The following CACNA1B variants were observed in gnomAD, a reference collection of about 807,000 sequenced individuals.
CACNA1B encodes voltage-dependent N-type calcium channel subunit alpha-1B.
Under a neutral mutation model 247.2 loss-of-function variants are expected in CACNA1B, and 70 were observed. The observed-to-expected ratio is 0.28, with a 90% CI of 0.23 to 0.35. The LOEUF is 0.35. Ranked by LOEUF, CACNA1B falls within the 10% of genes least tolerant of loss-of-function variation. The pLI is 1.00. For missense variants in CACNA1B, 2,367 were observed against 3,197.4 expected (o/e 0.74, Z 6.26); for synonymous variants, 1,231 against 1,294.4 (o/e 0.95, Z 1.05).
chr9:137,891,974 C>T lies in CACNA1B; in HGVS notation c.530+9091C>T, dbSNP rs1461176790. 2.2e-6 allele frequency: 1 copy of T among 447,878 alleles called. No individual in the cohort carries two copies. The highest frequency in any genetic ancestry group is 4.5e-6 in the Non-Finnish European group (1 of 221,946). The allele number at this position is 447,878 out of a possible 1,614,324, so 27.7% of individuals were successfully genotyped here. The stretch of plus-strand genomic sequence containing the variant: ...CCACCCTCCCTGTCTCCCCTGAGAG[C>T]ACAGGAGCCTGGTGAAAAGGGCCTT... On this transcript the variant is annotated intron_variant, in intron 3 of 46. Transcript: ENST00000371372. This position sits in a 1 kb window ranked among gnomAD's most constrained non-coding sequence, Gnocchi z 4.3.
chr9:138,036,105 C>G (rs967377069), intron 20 of CACNA1B, among the ~76,000 whole-genome samples: 1 of 151,882 alleles, frequency 6.6e-6, no homozygotes, highest in Non-Finnish European at 1.5e-5. Context: ...GTTTCTTTCC[C>G]CCCCGCCCCT....
rs1398188438 is a variant in CACNA1B, at chr9:137,913,529, T to C, written c.622+258T>C. ...GATGGAAGCTTTGTTCCTCCTCACA[T>C]ACTCTGTCACATTTCAGCATTTTGC... On this transcript the variant is annotated intron_variant, in intron 4 of 46. Coordinates refer to ENST00000371372, the MANE Select transcript of CACNA1B (RefSeq NM_000718.4). The surrounding 1 kb of genome is among the most constrained non-coding windows in gnomAD (Gnocchi z 5.2). Among the ~76,000 whole-genome samples the C allele has an allele frequency of 6.6e-6, 1 of 152,212 alleles. No individual in the cohort carries two copies. The highest frequency in any genetic ancestry group is 6.5e-5 in the Admixed American group (1 of 15,284).
intron 32 of CACNA1B, among the ~76,000 whole-genome samples, chr9:138,071,102 A>C (rs941599733): frequency 3.3e-5 from 5 of 152,204 alleles, no homozygotes; most frequent in African/African-American, 1.2e-4. Flanking sequence ...TGCAGTGCTA[A>C]GAGCAATTTT....
chr9:138,027,097 C>T (rs772247343), intron 20 of CACNA1B, among the ~76,000 whole-genome samples: 39 of 152,282 alleles, frequency 2.6e-4, no homozygotes, highest in Non-Finnish European at 5.3e-4. Flanking sequence ...ATCTTTTACC[C>T]ACTTTTTATT....
chr9:137,926,598 G>A (rs77776984), intron 6 of CACNA1B, among the ~76,000 whole-genome samples: 1 of 152,310 alleles, frequency 6.6e-6, no homozygotes, highest in African/African-American at 2.4e-5. Flanking sequence ...AAGTTCATGA[G>A]GAACTGCTGT....
At position 138,051,509 on chromosome 9, in the gene CACNA1B, A is replaced by C. The variant is rs1589096988; in HGVS notation, c.3711-583A>C. Among the ~76,000 whole-genome samples, 1 of 105,752 alleles carries C rather than the reference A, an allele frequency of 9.5e-6. No homozygotes were observed. Among genetic ancestry groups the C allele is most frequent in the Non-Finnish European group, 1.8e-5 (1 of 56,312 alleles). The allele number at this position is 105,752 out of a possible 152,430, so 69.4% of individuals were successfully genotyped here. Reference sequence around the variant, plus strand: ...CCTCTCCCCTTGTTTGTCTTAGTCCACCATGCCTCTTGCATTGCCTCTGTA... The same window carrying C: ...CCTCTCCCCTTGTTTGTCTTAGTCCCCCATGCCTCTTGCATTGCCTCTGTA... On this transcript the variant is annotated intron_variant, in intron 24 of 46. Coordinates refer to ENST00000371372, the MANE Select transcript of CACNA1B (RefSeq NM_000718.4). This position sits in a 1 kb window ranked among gnomAD's most constrained non-coding sequence, Gnocchi z 4.3.
intron 12 of CACNA1B, among the ~76,000 whole-genome samples, chr9:137,980,689 A>G (rs984377801): frequency 6.6e-6 from 1 of 151,864 alleles, no homozygotes; most frequent in East Asian, 1.9e-4. Flanking sequence ...AGTACTCCCC[A>G]CTGTCTATTG....
intron 6 of CACNA1B, among the ~76,000 whole-genome samples, chr9:137,927,964 A>G (rs1052344066): frequency 1.3e-5 from 2 of 152,230 alleles, no homozygotes; most frequent in African/African-American, 4.8e-5. Flanking sequence ...CCAGCCTTGC[A>G]TTCCCAGAAT....
intron 36 of CACNA1B, among the ~76,000 whole-genome samples, chr9:138,079,130 A>T (rs997670748): frequency 2.0e-5 from 3 of 152,184 alleles, no homozygotes; most frequent in Non-Finnish European, 4.4e-5. Flanking sequence ...TGCCTGTTAG[A>T]CATACAGATT....
intron 3 of CACNA1B, among the ~76,000 whole-genome samples, chr9:137,894,236 C>T (rs1351018317): frequency 2.6e-5 from 4 of 151,488 alleles, no homozygotes; most frequent in Non-Finnish European, 5.9e-5. Context: ...TGTCCCGTTT[C>T]ACATTTCCAG....
chr9:137,911,410 T>C (rs1957358208), intron 3 of CACNA1B, among the ~76,000 whole-genome samples: 2 of 152,156 alleles, frequency 1.3e-5, no homozygotes, highest in South Asian at 4.1e-4. Context: ...TTGAGATATT[T>C]ATCTTTTCTT....
rs199859808 is a variant in CACNA1B, at chr9:138,121,470, G to T, written c.6491G>T (p.Gly2164Val). 3 of 1,510,866 alleles carry T rather than the reference G, an allele frequency of 2.0e-6. No individual in the cohort carries two copies. Among genetic ancestry groups the T allele is most frequent in the Non-Finnish European group, 1.8e-6 (2 of 1,129,756 alleles). The allele number at this position is 1,510,866 out of a possible 1,614,324, so 93.6% of individuals were successfully genotyped here. ...AGQEPGPHPQ[G>V]SGSVNGSPLL... ...TTGTTCTGGTCCATTTTCATGTAGGGCAGTGGTTCCGTGAATGGGAGCCCC... is the reference window on the plus strand; with the variant it reads ...TTGTTCTGGTCCATTTTCATGTAGGTCAGTGGTTCCGTGAATGGGAGCCCC... Residue 2164 changes from glycine (G) to valine (V), a missense_variant and splice_region_variant, in exon 47 of 47, where the codon GGC (glycine) becomes GTC (valine). Physicochemically the swap from Gly to Val is moderately radical, Grantham distance 109. This residue lies in a region of CACNA1B where 773 missense variants were observed against 779.4 expected (regional missense o/e 0.99). Coordinates refer to ENST00000371372, the MANE Select transcript of CACNA1B (RefSeq NM_000718.4). The surrounding 1 kb of genome is among the most constrained non-coding windows in gnomAD (Gnocchi z 6.8).
chr9:137,916,183 G>A (rs1176515038), intron 5 of CACNA1B, among the ~76,000 whole-genome samples: 2 of 151,800 alleles, frequency 1.3e-5, no homozygotes, highest in South Asian at 4.2e-4. Context: ...CATGCCCATG[G>A]TGCCACGCCC....
chr9:138,111,234 A>G (rs1475857479), intron 39 of CACNA1B, among the ~76,000 whole-genome samples: 3 of 152,264 alleles, frequency 2.0e-5, no homozygotes, highest in Non-Finnish European at 4.4e-5. Flanking sequence ...AAATTGCCCC[A>G]AACTGTAAAC....
At chr9:138,048,747 C>T (rs1959205474) in intron 23 of CACNA1B, among the ~76,000 whole-genome samples, 1 of 152,178 alleles carries the variant, frequency 6.6e-6, no homozygotes, top group African/African-American at 2.4e-5. Context: ...GACAGGGTCT[C>T]ACTCTTGTCA....
At chr9:137,923,953 C>T (rs1957520815) in intron 6 of CACNA1B, among the ~76,000 whole-genome samples, 1 of 152,206 alleles carries the variant, frequency 6.6e-6, no homozygotes, top group Non-Finnish European at 1.5e-5. Context: ...AACGTCTCTT[C>T]ACATCTTTTG....
chr9:138,101,099 T>C (rs1961236927), intron 37 of CACNA1B: 4 of 531,684 alleles, frequency 7.5e-6, no homozygotes, highest in Non-Finnish European at 1.5e-5. Flanking sequence ...ACATTTCCTT[T>C]CCAGTTGCCG....
At position 137,965,637 on chromosome 9, in the gene CACNA1B, C is replaced by T. The variant is rs189973419; in HGVS notation, c.1334-5746C>T. Among the ~76,000 whole-genome samples, 165 of 152,148 alleles carry T rather than the reference C, an allele frequency of 1.1e-3. 3 individuals are homozygous for T. The highest frequency in any genetic ancestry group is 3.3e-3 in the African/African-American group (135 of 41,516). ...TATTTAAGACAGAGTCTAACCCTGT[C>T]GCCTAGGCTGGAATGCAATGGCATG... On this transcript the variant is annotated intron_variant, in intron 10 of 46. Coordinates refer to ENST00000371372, the MANE Select transcript of CACNA1B (RefSeq NM_000718.4).
chr9:138,075,804 T>C lies in CACNA1B; in HGVS notation c.4858-15T>C, dbSNP rs1243873466. The C allele has an allele frequency of 9.6e-6, 15 of 1,569,374 alleles. No individual in the cohort carries two copies. Among genetic ancestry groups the C allele is most frequent in the Admixed American group, 1.7e-5 (1 of 59,042 alleles). On this transcript the variant is annotated splice_polypyrimidine_tract_variant and intron_variant, in intron 34 of 46. Transcript: ENST00000371372. ...GACCCAGCAGGGTCCGTGCCATTGC[T>C]CTTCTCCATTGCAGGTGTTTGGGAA...
Sources: gnomAD v4.1 joint callset for allele counts (sites outside exome capture counted in the v4.1 genomes callset) on GRCh38, gnomAD v4.1.1 for gene constraint, gnomAD v4.1.1 regional missense constraint, Gnocchi (gnomAD v3.1) non-coding constraint, MANE v1.5 for transcripts, NCBI Gene and HGNC (gene_info 2026-07-23, HGNC 2026-07-21) for gene names.